DLG2: variants seen among roughly 807,000 people sequenced by gnomAD.
DLG2 encodes discs large MAGUK scaffold protein 2.
DLG2 carries 45 observed loss-of-function variants against 132.5 expected under a neutral mutation model. The ratio of observed to expected loss-of-function variants is 0.34; its 90% CI spans 0.27 to 0.44. The LOEUF is 0.44. Ranked by LOEUF, DLG2 falls within the 20% of genes least tolerant of loss-of-function variation. DLG2 has a pLI of 1.00. For missense variants in DLG2, 1,045 were observed against 1,196.9 expected, an observed-to-expected ratio of 0.87 and a Z score of 1.87; for synonymous variants, 424 against 419.6, an observed-to-expected ratio of 1.01 and a Z score of -0.13.
chr11:85,618,776 T>C (rs577434836), intron 2 of DLG2, among the ~76,000 whole-genome samples: 1 of 152,246 alleles, frequency 6.6e-6, no homozygotes, highest in East Asian at 1.9e-4. Context: ...TAAAAATAAA[T>C]AAGTAAAATC....
intron 7 of DLG2, among the ~76,000 whole-genome samples, chr11:84,349,090 C>T (rs1277541399): frequency 6.6e-6 from 1 of 152,128 alleles, no homozygotes; most frequent in African/African-American, 2.4e-5. Flanking sequence ...AAAAGTTTTT[C>T]AATTAGATTA....
At chr11:84,800,874 G>A (rs1401731057) in intron 6 of DLG2, among the ~76,000 whole-genome samples, 2 of 152,024 alleles carry the variant, frequency 1.3e-5, no homozygotes, top group African/African-American at 4.8e-5. Context: ...ATGTTCAGAG[G>A]GACTAGAAAA....
At chr11:85,029,239 A>C (rs944079653) in intron 6 of DLG2, among the ~76,000 whole-genome samples, 4 of 151,754 alleles carry the variant, frequency 2.6e-5, no homozygotes, top group Non-Finnish European at 4.4e-5. Context: ...AACTCCACAT[A>C]GATGAAACAA....
chr11:84,139,846 A>C (rs764431591), intron 9 of DLG2, among the ~76,000 whole-genome samples: 1 of 152,212 alleles, frequency 6.6e-6, no homozygotes, highest in Non-Finnish European at 1.5e-5. Context: ...CCAAATTTAG[A>C]GGGCTAAAGA....
chr11:85,534,095 C>A (rs1027684940), intron 3 of DLG2, among the ~76,000 whole-genome samples: 27 of 152,114 alleles, frequency 1.8e-4, no homozygotes, highest in Non-Finnish European at 5.9e-5. Flanking sequence ...TCAAGCAATT[C>A]TCCTGCCTCA....
At chr11:85,589,091 C>G (rs1853093788) in intron 3 of DLG2, among the ~76,000 whole-genome samples, 1 of 152,200 alleles carries the variant, frequency 6.6e-6, no homozygotes, top group South Asian at 2.1e-4. Context: ...GTGAAATAGA[C>G]TCTGTGAGAG....
chr11:84,115,442 T>C lies in DLG2; in HGVS notation c.625-16395A>G, dbSNP rs551974597. ...CCCTTAGGAGTATATTTGCTTTCTT[T>C]GCAACCCTGAGCATTTTGGTTAATA... On this transcript the variant is annotated intron_variant, in intron 9 of 27. Coordinates refer to ENST00000376104, the MANE Select transcript of DLG2 (RefSeq NM_001142699.3). 2.0e-5 allele frequency among the ~76,000 whole-genome samples: 3 copies of C among 152,090 alleles called. No individual in the cohort carries two copies. The South Asian group carries it at 6.2e-4, about 31-fold the overall frequency.
intron 3 of DLG2, among the ~76,000 whole-genome samples, chr11:85,538,916 T>C (rs1175412222): frequency 1.3e-5 from 2 of 151,816 alleles, no homozygotes; most frequent in African/African-American, 4.9e-5. Flanking sequence ...GATGGGTTGA[T>C]AGGTGCAGCA....
At chr11:84,902,194 C>T (rs751599147) in intron 6 of DLG2, among the ~76,000 whole-genome samples, 2 of 152,102 alleles carry the variant, frequency 1.3e-5, no homozygotes, top group Non-Finnish European at 2.9e-5. Flanking sequence ...GACTCAGTGG[C>T]AACATACTTG....
chr11:85,503,445 G>A (rs992127118), intron 3 of DLG2, among the ~76,000 whole-genome samples: 1 of 152,016 alleles, frequency 6.6e-6, no homozygotes, highest in Non-Finnish European at 1.5e-5. Context: ...TATTCACAAA[G>A]TATCCAGGAT....
At chr11:84,750,500 A>G (rs2065969259) in intron 6 of DLG2, among the ~76,000 whole-genome samples, 1 of 152,024 alleles carries the variant, frequency 6.6e-6, no homozygotes, top group African/African-American at 2.4e-5. Flanking sequence ...TTTGTTTAAA[A>G]CATTTTCCAA....
intron 6 of DLG2, among the ~76,000 whole-genome samples, chr11:84,765,073 T>C (rs1206468580): frequency 1.3e-5 from 2 of 152,128 alleles, no homozygotes; most frequent in Non-Finnish European, 2.9e-5. Context: ...ATATTATTTA[T>C]TGTATATTAC....
chr11:83,832,949 A>G (rs1377425583), intron 17 of DLG2, among the ~76,000 whole-genome samples: 1 of 152,206 alleles, frequency 6.6e-6, no homozygotes, highest in East Asian at 1.9e-4. Flanking sequence ...TGTTTAGAGT[A>G]TGGTTATGAG....
At chr11:84,348,019 A>G (rs900794381) in intron 7 of DLG2, among the ~76,000 whole-genome samples, 1 of 152,204 alleles carries the variant, frequency 6.6e-6, no homozygotes, top group South Asian at 2.1e-4. Flanking sequence ...AATAACATTC[A>G]CAAGCTTGTT....
chr11:85,542,999 T>A (rs77943630), intron 3 of DLG2, among the ~76,000 whole-genome samples: 29,938 of 152,098 alleles, frequency 0.2, 3,569 homozygotes, highest in East Asian at 0.4. Flanking sequence ...CTCTTTTTTT[T>A]AATTATAATT....
chr11:84,237,554 A>C (rs1317642681), intron 8 of DLG2, among the ~76,000 whole-genome samples: 1 of 152,188 alleles, frequency 6.6e-6, no homozygotes, highest in East Asian at 1.9e-4. Flanking sequence ...CATTTAGGGC[A>C]CTTGGTAGAA....
intron 3 of DLG2, among the ~76,000 whole-genome samples, chr11:85,394,998 G>A (rs2087167984): frequency 6.6e-6 from 1 of 152,064 alleles, no homozygotes; most frequent in Non-Finnish European, 1.5e-5. Flanking sequence ...CTAAGGAGTA[G>A]TACCAGAGAT....
intron 6 of DLG2, among the ~76,000 whole-genome samples, chr11:84,654,805 T>C (rs2099686261): frequency 6.6e-6 from 1 of 152,130 alleles, no homozygotes; most frequent in Admixed American, 6.5e-5. Flanking sequence ...TGGCATGAAG[T>C]TCAGAGGCAA....
chr11:84,425,411 T>C (rs1341950691), intron 7 of DLG2, among the ~76,000 whole-genome samples: 2 of 152,140 alleles, frequency 1.3e-5, no homozygotes, highest in Non-Finnish European at 2.9e-5. Flanking sequence ...ACAAGCATTA[T>C]TCATCATACT....
Sources: gnomAD v4.1 joint callset for allele counts (sites outside exome capture counted in the v4.1 genomes callset) on GRCh38, gnomAD v4.1.1 for gene constraint, MANE v1.5 for transcripts, NCBI Gene and HGNC (gene_info 2026-07-23, HGNC 2026-07-21) for gene names.